Variants in HELB observed in about 807,000 individuals in gnomAD.
HELB encodes DNA 5'-3' helicase B.
A neutral mutation model predicts 101.7 loss-of-function variants in HELB; 96 were observed. The observed-to-expected ratio is 0.94, with a 90% CI of 0.80 to 1.12. HELB has a LOEUF of 1.12. Among genes scored for constraint, HELB ranks in the 50% most tolerant of loss-of-function variants. The probability of loss-of-function intolerance (pLI) is 0.00; values close to 1 mark genes in which losing one functional copy is unlikely to be tolerated. For synonymous variants in HELB, 437 were observed against 459.7 expected (o/e 0.95, Z 0.63); for missense variants, 1,210 against 1,291.9 (o/e 0.94, Z 0.97).
intron 11 of HELB, among the ~76,000 whole-genome samples, chr12:66,329,750 A>G (rs1203595428): frequency 2.0e-5 from 3 of 152,150 alleles, no homozygotes; most frequent in African/African-American, 7.2e-5. Context: ...TAATAATAGT[A>G]TATCTACTAT....
Position 66,306,400 on chromosome 12 carries a change from TC to T in HELB, c.665del (p.Pro222GlnfsTer12). On this transcript the variant is annotated frameshift_variant, in exon 3 of 13. Coordinates refer to ENST00000247815, the MANE Select transcript of HELB (RefSeq NM_001370285.1). LOFTEE classifies it high-confidence loss of function. Reference sequence around the variant, plus strand: ...AGTTTCCGAAGATAATGGAATTCCTTCCAGTTCTTCTGCCTCGACACTTTAA... The same window carrying T: ...AGTTTCCGAAGATAATGGAATTCCTTCAGTTCTTCTGCCTCGACACTTTAA... ...LQFPKIMEFLPVLLPRHFKWI... is the reference protein window; with the variant it reads ...LQFPKIMEFLXVLLPRHFKWI... The T allele has an allele frequency of 6.2e-7, 1 of 1,608,958 alleles. No homozygotes were observed. The highest frequency in any genetic ancestry group is 8.5e-7 in the Non-Finnish European group (1 of 1,177,604).
intron 7 of HELB, among the ~76,000 whole-genome samples, chr12:66,319,847 G>A (rs964344743): frequency 4.0e-5 from 6 of 150,932 alleles, no homozygotes; most frequent in Admixed American, 1.3e-4. Context: ...AAATAAATGC[G>A]ATCATACATA....
Position 66,338,007 on chromosome 12 carries a change from G to A in HELB, c.3169G>A (p.Glu1057Lys), listed in dbSNP as rs1331987788. 3 of 1,571,584 alleles carry A rather than the reference G, an allele frequency of 1.9e-6. No homozygotes were observed. Among genetic ancestry groups the A allele is most frequent in the Non-Finnish European group, 2.6e-6 (3 of 1,144,282 alleles). ...ATTTTAATTGTTCTAACAGGTGGGA[G>A]AATCTCCACAAGTGTCTTCCAGACT... ...ESPSKIFMVG[E>K]SPQVSSRLQN... Residue 1057 changes from glutamate to lysine, a missense_variant, in exon 13 of 13, where the codon GAA becomes AAA. By Grantham distance (56) the Glu-to-Lys change is moderately conservative (BLOSUM62 1). This residue lies in a region of HELB where 740 missense variants were observed against 728.8 expected (regional missense o/e 1.02). Transcript: ENST00000247815.
At chr12:66,331,743 G>A (rs1052916064) in intron 12 of HELB, 98 bp downstream of exon 12, 3 of 1,151,112 alleles carry the variant, frequency 2.6e-6, no homozygotes, top group Non-Finnish European at 3.7e-6. Context: ...GTTGCATTGT[G>A]CTGTTGGACT....
chr12:66,338,290 A>G, downstream of HELB: 1 of 552,492 alleles, frequency 1.8e-6, no homozygotes, highest in South Asian at 2.1e-5. Context: ...GAGAACTGGT[A>G]GCACTGGACA....
chr12:66,336,415 A>G (rs1319161465), intron 12 of HELB, among the ~76,000 whole-genome samples: 8 of 152,218 alleles, frequency 5.3e-5, no homozygotes, highest in African/African-American at 1.2e-4. Flanking sequence ...AGGTGGGATT[A>G]TAAGTAATTT....
At chr12:66,324,292 A>G (rs1465215280) in intron 10 of HELB, 81 bp downstream of exon 10, 5 of 952,846 alleles carry the variant, frequency 5.2e-6, no homozygotes, top group Non-Finnish European at 8.0e-6. Context: ...TTCATTCAGA[A>G]TCTAATGATA....
chr12:66,309,677 TA>T, intron 3 of HELB, 28 bp from the exon 4 acceptor site: 2 of 1,495,500 alleles, frequency 1.3e-6, no homozygotes, highest in Non-Finnish European at 1.8e-6. Flanking sequence ...ATGATGTTTA[TA>T]AACCAACCTG....
intron 1 of HELB, among the ~76,000 whole-genome samples, 168 bp from the exon 2 acceptor site, chr12:66,304,563 A>G (rs1457348770): frequency 1.3e-5 from 2 of 152,222 alleles, no homozygotes; most frequent in South Asian, 2.1e-4. Flanking sequence ...GGAGGGAGAC[A>G]GAAAAAGAGG....
In HELB at chr12:66,314,045, A is replaced by G. The variant is rs766115548; in HGVS notation, c.1740A>G (p.Lys580=). Residue 580 remains lysine (K), a synonymous_variant, in exon 5 of 13, where the codon AAA becomes AAG. Coordinates refer to ENST00000247815, the MANE Select transcript of HELB (RefSeq NM_001370285.1). ...TGATGACCACAAACAAACCATGGAAATTTTCTTCGGTTAGAGTTCTGGTTG... is the reference window on the plus strand; with the variant it reads ...TGATGACCACAAACAAACCATGGAAGTTTTCTTCGGTTAGAGTTCTGGTTG... ...QTMMTTNKPW[K]FSSVRVLVVD... is the part of the protein sequence containing the mutation. The G allele has an allele frequency of 6.2e-7, 1 of 1,613,852 alleles. No individual in the cohort carries two copies. The highest frequency in any genetic ancestry group is 8.5e-7 in the Non-Finnish European group (1 of 1,179,830).
Position 66,306,527 on chromosome 12 carries a change from T to C in HELB, c.777+13T>C. ...TGGATTTAGTAAAGTAAGTAAAACA[T>C]TTGCTCAGCATATAGTAATCTTGTG... On this transcript the variant is annotated intron_variant, in intron 3 of 12. Coordinates refer to ENST00000247815, the MANE Select transcript of HELB (RefSeq NM_001370285.1). The C allele has an allele frequency of 1.9e-6, 3 of 1,562,654 alleles. No homozygotes were observed. The highest frequency in any genetic ancestry group is 1.2e-5 in the South Asian group (1 of 81,420).
intron 11 of HELB, among the ~76,000 whole-genome samples, chr12:66,329,337 G>A (rs1414929415): frequency 6.6e-6 from 1 of 152,152 alleles, no homozygotes; most frequent in African/African-American, 2.4e-5. Flanking sequence ...TAGGATAAAG[G>A]TGAAGCTCTG....
At chr12:66,331,741 G>A (rs937102840) in intron 12 of HELB, 96 bp downstream of exon 12, 17 of 1,175,694 alleles carry the variant, frequency 1.4e-5, no homozygotes, top group Non-Finnish European at 1.9e-5. Flanking sequence ...GTGTTGCATT[G>A]TGCTGTTGGA....
At position 66,324,062 on chromosome 12, in the gene HELB, C is replaced by T. The variant is rs992496895; in HGVS notation, c.2377C>T (p.Pro793Ser). The change falls in exon 10 of 13, where the codon CCT becomes TCT. Residue 793 changes from proline (P) to serine (S), a missense_variant. Physicochemically the swap from Pro to Ser is moderately conservative, Grantham distance 74 (BLOSUM62 -1). Around this residue, in one of 2 missense-constraint regions of HELB, gnomAD observed 740 missense variants for 728.8 expected, o/e 1.02. Transcript: ENST00000247815. ...TRNAYLSDLL[P>S]ENISGSQQNN... ...GAATGCATACCTCTCAGACTTACTA[C>T]CTGAAAATATCTCTGGAAGTCAGCA... 1.9e-6 allele frequency: 3 copies of T among 1,613,488 alleles called. No homozygotes were observed. The highest frequency in any genetic ancestry group is 2.5e-6 in the Non-Finnish European group (3 of 1,179,694).
chr12:66,325,002 T>C lies in HELB; in HGVS notation c.2546T>C (p.Phe849Ser), dbSNP rs755634023. ...FITNDVTDVT[F>S]GKRRSLTINN... is the part of the protein sequence containing the mutation. ...TGACAGGATGTAACTGATGTAACTT[T>C]TGGAAAGAGAAGATCTTTGACCATT... is the stretch of plus-strand genomic sequence containing the variant. Residue 849 changes from phenylalanine (F) to serine (S), a missense_variant, in exon 11 of 13, where the codon TTT becomes TCT. By Grantham distance (155) the Phe-to-Ser change is radical (BLOSUM62 -2). Transcript: ENST00000247815. 1.5e-5 allele frequency: 24 copies of C among 1,612,608 alleles called. No homozygotes were observed. Among genetic ancestry groups the C allele is most frequent in the Non-Finnish European group, 1.9e-5 (22 of 1,178,868 alleles).
At chr12:66,308,188 C>T (rs2053500249) in intron 3 of HELB, among the ~76,000 whole-genome samples, 8 of 152,122 alleles carry the variant, frequency 5.3e-5, no homozygotes, top group Admixed American at 4.6e-4. Flanking sequence ...TACTGCTTCC[C>T]ACCCTAGCAA....
rs113448550 is a variant in HELB, at chr12:66,334,052, C to T, written c.3162+2407C>T. On this transcript the variant is annotated intron_variant, in intron 12 of 12. Transcript: ENST00000247815. ...GCATGCACCTATAGTCCCAGCTACG[C>T]GGGAGGCTGAGGCAGGAGGATCACT... Among the ~76,000 whole-genome samples the T allele has an allele frequency of 2.2e-3, 329 of 151,934 alleles. 2 individuals carry two copies. Among genetic ancestry groups the T allele is most frequent in the African/African-American group, 5.3e-3 (218 of 41,392 alleles).
In HELB at chr12:66,305,107, G is replaced by T; in HGVS notation, c.564G>T (p.Glu188Asp). The change falls in exon 2 of 13, where the codon GAG becomes GAT. Residue 188 changes from glutamate (E) to aspartate (D), a missense_variant. Physicochemically the swap from Glu to Asp is conservative, Grantham distance 45. Transcript: ENST00000247815. Reference sequence around the variant, plus strand: ...AGCCTACACAGAATGGTCAGGAAGAGTTGTTCCTAGACAATGAGATGAGTC... The same window carrying T: ...AGCCTACACAGAATGGTCAGGAAGATTTGTTCCTAGACAATGAGATGAGTC... Reference protein sequence around the residue: ...QKQPTQNGQEELFLDNEMSLP... With the variant: ...QKQPTQNGQEDLFLDNEMSLP... 1 of 1,589,118 alleles carries T rather than the reference G, an allele frequency of 6.3e-7. No homozygotes were observed.
At chr12:66,325,774 G>T (rs1036071479) in intron 11 of HELB, among the ~76,000 whole-genome samples, 1 of 151,958 alleles carries the variant, frequency 6.6e-6, no homozygotes, top group Non-Finnish European at 1.5e-5. Flanking sequence ...AACTTTGTGG[G>T]GTATAATGTG....
Sources: allele counts gnomAD v4.1 joint callset (sites outside exome capture counted in the v4.1 genomes callset), GRCh38; gene constraint gnomAD v4.1.1; regional missense constraint gnomAD v4.1.1; transcripts MANE v1.5; gene names NCBI Gene and HGNC (gene_info 2026-07-23, HGNC 2026-07-21).